The following UBR1 variants were observed in gnomAD, a reference collection of about 807,000 sequenced individuals.
UBR1 encodes the protein ubiquitin protein ligase E3 component n-recognin 1, also known as E3 ubiquitin-protein ligase UBR1.
A neutral mutation model predicts 242.1 loss-of-function variants in UBR1; 102 were observed. The observed-to-expected ratio is 0.42, with a 90% confidence interval of 0.36 to 0.50. The LOEUF is 0.50. UBR1 is among the 20% of genes least tolerant of loss of function. The probability of loss-of-function intolerance (pLI) is 0.01; values close to 1 mark genes in which losing one functional copy is unlikely to be tolerated. For synonymous variants in UBR1, 675 were observed against 684.8 expected, an observed-to-expected ratio of 0.99 and a Z score of 0.22; for missense variants, 1,772 against 2,101.8, an observed-to-expected ratio of 0.84 and a Z score of 3.07.
At chr15:43,012,913 A>AT (rs896165593) in intron 29 of UBR1, among the ~76,000 whole-genome samples, 23 of 150,326 alleles carry the variant, frequency 1.5e-4, no homozygotes, top group Non-Finnish European at 2.8e-4. Flanking sequence ...TATCCACAAG[A>AT]TTTTTTTTTT....
chr15:42,958,181 A>ACGGAG, intron 43 of UBR1, 91 bp from the exon 44 acceptor site: 1 of 890,562 alleles, frequency 1.1e-6, no homozygotes, highest in Admixed American at 1.9e-5. Context: ...TCTTAAAAAT[A>ACGGAG]ACAAAAGGAT....
chr15:43,073,949 A>C (rs1378401830), intron 4 of UBR1, among the ~76,000 whole-genome samples: 2 of 152,206 alleles, frequency 1.3e-5, no homozygotes, highest in African/African-American at 4.8e-5. Context: ...CAACAGTTTA[A>C]AGAGCGCAAA....
intron 44 of UBR1, among the ~76,000 whole-genome samples, chr15:42,953,539 C>T (rs2031868104): frequency 6.6e-6 from 1 of 152,226 alleles, no homozygotes; most frequent in Non-Finnish European, 1.5e-5. Flanking sequence ...ATTTTCACTT[C>T]CGGGAGGTTG....
At chr15:43,103,211 A>G (rs2034259253) in intron 1 of UBR1, among the ~76,000 whole-genome samples, 1 of 152,206 alleles carries the variant, frequency 6.6e-6, no homozygotes, top group South Asian at 2.1e-4. Flanking sequence ...CAAAATATGC[A>G]AAAAATTAAC....
At chr15:43,010,435 T>C (rs2032905634) in intron 29 of UBR1, among the ~76,000 whole-genome samples, 1 of 151,860 alleles carries the variant, frequency 6.6e-6, no homozygotes, top group Non-Finnish European at 1.5e-5. Flanking sequence ...AAATGGGAAG[T>C]TGTAGAGTGA....
intron 35 of UBR1, among the ~76,000 whole-genome samples, chr15:42,988,114 A>AT (rs1280549113): frequency 1.3e-5 from 2 of 152,000 alleles, no homozygotes; most frequent in Non-Finnish European, 2.9e-5. Context: ...CTTTCCGTTA[A>AT]TTTTTAGGTG....
chr15:43,097,600 C>G (rs565100918), intron 1 of UBR1, among the ~76,000 whole-genome samples: 10 of 152,336 alleles, frequency 6.6e-5, no homozygotes, highest in Middle Eastern at 3.4e-3. Context: ...GCATAACTTG[C>G]TGCATCTTCT....
intron 6 of UBR1, among the ~76,000 whole-genome samples, chr15:43,065,439 C>T (rs562276446): frequency 7.9e-5 from 12 of 152,078 alleles, no homozygotes; most frequent in East Asian, 7.7e-4. Flanking sequence ...GGTGGTCTGC[C>T]GCAGAGATCA....
intron 46 of UBR1, 135 bp from the exon 47 acceptor site, chr15:42,945,605 A>G: frequency 3.2e-6 from 3 of 952,314 alleles, no homozygotes; most frequent in South Asian, 1.5e-5. Flanking sequence ...TTAAAAAGGG[A>G]TATTTTCCCT....
chr15:43,020,759 C>T (rs1166623446), intron 27 of UBR1, among the ~76,000 whole-genome samples: 1 of 152,194 alleles, frequency 6.6e-6, no homozygotes, highest in Non-Finnish European at 1.5e-5. Flanking sequence ...TTCTTTCTGG[C>T]CACCACAGAG....
chr15:43,055,140 G>T (rs749683718), intron 11 of UBR1, among the ~76,000 whole-genome samples: 1 of 152,134 alleles, frequency 6.6e-6, no homozygotes, highest in South Asian at 2.1e-4. Context: ...CATTAGACAG[G>T]TTATCTAGAT....
At chr15:43,092,616 C>T (rs1275477798) in intron 1 of UBR1, among the ~76,000 whole-genome samples, 4 of 152,084 alleles carry the variant, frequency 2.6e-5, no homozygotes, top group African/African-American at 4.8e-5. Flanking sequence ...TGCAGTGGCA[C>T]GATCTCGGCT....
intron 4 of UBR1, among the ~76,000 whole-genome samples, chr15:43,074,454 A>G (rs1047751327): frequency 6.6e-6 from 1 of 152,148 alleles, no homozygotes; most frequent in African/African-American, 2.4e-5. Flanking sequence ...TTTTTGAGAT[A>G]GTCTCACTCT....
intron 33 of UBR1, among the ~76,000 whole-genome samples, chr15:42,995,328 A>G (rs1463143874): frequency 6.6e-6 from 1 of 152,154 alleles, no homozygotes; most frequent in Non-Finnish European, 1.5e-5. Flanking sequence ...AAAAATTAAG[A>G]AGAATCTCTT....
In UBR1 at chr15:43,054,861, G is replaced by A. The variant is rs189354366; in HGVS notation, c.1320C>T (p.Val440=). 2.5e-6 allele frequency: 4 copies of A among 1,614,080 alleles called. No homozygotes were observed. In the Admixed American group the frequency reaches 6.7e-5, roughly 27 times the overall value. The change falls in exon 12 of 47, where the codon GTC becomes GTT. Residue 440 remains valine (V), a synonymous_variant. Coordinates refer to ENST00000290650, the MANE Select transcript of UBR1 (RefSeq NM_174916.3). ...HLIEEQNVIS[V]ITETLLEVLP... ...AAACTTCTAGCAGAGTTTCAGTAATGACAGAGATAACATTCTGCTCTTCAA... is the reference window on the plus strand; with the variant it reads ...AAACTTCTAGCAGAGTTTCAGTAATAACAGAGATAACATTCTGCTCTTCAA...
At chr15:42,975,098 G>T (rs1400880152) in intron 39 of UBR1, among the ~76,000 whole-genome samples, 1 of 152,044 alleles carries the variant, frequency 6.6e-6, no homozygotes, top group Non-Finnish European at 1.5e-5. Flanking sequence ...GTTTCACAAT[G>T]TTGGTCAGGC....
intron 19 of UBR1, among the ~76,000 whole-genome samples, chr15:43,034,163 A>C (rs2033296456): frequency 1.3e-5 from 2 of 151,824 alleles, no homozygotes; most frequent in African/African-American, 4.8e-5. Context: ...GCTTGAACCC[A>C]GGAGGTGGAG....
chr15:43,024,800 T>G (rs774354364), intron 25 of UBR1, 29 bp downstream of exon 25: 4 of 1,614,008 alleles, frequency 2.5e-6, no homozygotes, highest in East Asian at 2.2e-5. Context: ...TAGGACTTGA[T>G]GTAGAGAAAA....
At chr15:42,960,535 G>C in intron 43 of UBR1, 110 bp downstream of exon 43, 1 of 1,100,214 alleles carries the variant, frequency 9.1e-7, no homozygotes, top group East Asian at 2.6e-5. Context: ...CAGGAACACT[G>C]TACTGAGTGA....
Sources: allele counts gnomAD v4.1 joint callset (sites outside exome capture counted in the v4.1 genomes callset), GRCh38; gene constraint gnomAD v4.1.1; transcripts MANE v1.5; gene names NCBI Gene and HGNC (gene_info 2026-07-23, HGNC 2026-07-21).